Variants in PLCG2 observed in about 807,000 individuals in gnomAD.
PLCG2 encodes 1-phosphatidylinositol 4,5-bisphosphate phosphodiesterase gamma-2.
Under a neutral mutation model 175.6 loss-of-function variants are expected in PLCG2, and 69 were observed. That is an observed-to-expected ratio of 0.39 (90% CI 0.32 to 0.48). The LOEUF (loss-of-function observed/expected upper bound fraction) is 0.48. Among genes scored for constraint, PLCG2 ranks in the 20% least tolerant of loss-of-function variants. The pLI, the probability that PLCG2 is intolerant of heterozygous loss-of-function variation, is 0.91. For synonymous variants in PLCG2, 827 were observed against 624.0 expected (o/e 1.33, Z -4.85); for missense variants, 1,798 against 1,650.9 (o/e 1.09, Z -1.54).
chr16:81,803,354 C>T (rs747542075), intron 2 of PLCG2, among the ~76,000 whole-genome samples: 1 of 152,060 alleles, frequency 6.6e-6, no homozygotes, highest in South Asian at 2.1e-4. Flanking sequence ...CTTCTTTAGC[C>T]TAACATAAGG....
chr16:81,879,442 G>A (rs770518837), intron 7 of PLCG2, among the ~76,000 whole-genome samples: 8 of 152,222 alleles, frequency 5.3e-5, no homozygotes, highest in South Asian at 2.1e-4. Context: ...CTTTTGGTGG[G>A]ACCTACTCCT....
Position 81,872,680 on chromosome 16 carries a change from A to G in PLCG2, c.648+1745A>G, listed in dbSNP as rs576535791. Among the ~76,000 whole-genome samples, 15 of 152,344 alleles carry G rather than the reference A, an allele frequency of 9.8e-5. No homozygotes were observed. In the East Asian group the frequency reaches 2.3e-3, roughly 24 times the overall value. Reference sequence around the variant, plus strand: ...TCAGGAAAGGGCTTTGCAGACTGCAAAAGAGTTCCCAGAGAAAGGTGTGAG... The same window carrying G: ...TCAGGAAAGGGCTTTGCAGACTGCAGAAGAGTTCCCAGAGAAAGGTGTGAG... On this transcript the variant is annotated intron_variant, in intron 7 of 32. Transcript: ENST00000564138.
chr16:81,814,590 G>A (rs533993522), intron 2 of PLCG2, among the ~76,000 whole-genome samples: 53 of 152,274 alleles, frequency 3.5e-4, no homozygotes, highest in African/African-American at 1.3e-3. Flanking sequence ...AGCTACTCGG[G>A]AGGCTGAGGC....
chr16:81,852,143 T>A (rs1350742595), intron 2 of PLCG2: 3 of 152,212 alleles, frequency 2.0e-5, no homozygotes, highest in Non-Finnish European at 4.4e-5. Flanking sequence ...CAGGGTTTGA[T>A]AACACTTTCT....
chr16:81,869,208 T>C lies in PLCG2; in HGVS notation c.480-6T>C. On this transcript the variant is annotated splice_region_variant and splice_polypyrimidine_tract_variant and intron_variant, in intron 5 of 32. Transcript: ENST00000564138. Reference sequence around the variant, plus strand: ...GGTGACAGAACTGGGTCTCCCTCTTTTGCAGCATCAGTCTCCGAGAGTTGA... The same window carrying C: ...GGTGACAGAACTGGGTCTCCCTCTTCTGCAGCATCAGTCTCCGAGAGTTGA... 2 of 1,612,702 alleles carry C rather than the reference T, an allele frequency of 1.2e-6. No individual in the cohort carries two copies. The highest frequency in any genetic ancestry group is 2.2e-5 in the East Asian group (1 of 44,878).
At chr16:81,875,104 C>T (rs570702185) in intron 7 of PLCG2, among the ~76,000 whole-genome samples, 1 of 152,092 alleles carries the variant, frequency 6.6e-6, no homozygotes, top group Non-Finnish European at 1.5e-5. Flanking sequence ...GCTGGGATTA[C>T]AGGCATGCAC....
chr16:81,774,416 T>G (rs1371639068), upstream of PLCG2, among the ~76,000 whole-genome samples: 1 of 151,792 alleles, frequency 6.6e-6, no homozygotes, highest in Non-Finnish European at 1.5e-5. Flanking sequence ...AGCAGAGGGG[T>G]CTGCCCTCCC....
In PLCG2 at chr16:81,922,350, A is replaced by G. The variant is rs187662518; in HGVS notation, c.2307+1081A>G. Among the ~76,000 whole-genome samples the G allele has an allele frequency of 1.6e-3, 238 of 152,318 alleles. 1 individual carries two copies. Among genetic ancestry groups the G allele is most frequent in the African/African-American group, 5.5e-3 (228 of 41,566 alleles). ...TCTCTCTCTGCATCTCAGTTTTCTC[A>G]TCTGCAAAATGGGCATACTCATATA... On this transcript the variant is annotated intron_variant, in intron 21 of 32. Transcript: ENST00000564138.
At chr16:81,861,056 C>G (rs1390389255) in intron 5 of PLCG2, among the ~76,000 whole-genome samples, 2 of 152,058 alleles carry the variant, frequency 1.3e-5, no homozygotes, top group Non-Finnish European at 1.5e-5. Context: ...AAAACCAAAA[C>G]CAAAACCAAA....
rs4595796 is a variant in PLCG2 at position 81,801,583 on chromosome 16, C to T, written c.193+15401C>T. On this transcript the variant is annotated intron_variant, in intron 2 of 32. Transcript: ENST00000564138. ...ATGATACTCCCGATTCCAGCAAACA[C>T]GTCTTCGCTATTGTTTGAAATTACT... Among the ~76,000 whole-genome samples the T allele has an allele frequency of 7.9e-3, 1,202 of 152,282 alleles. 16 individuals carry two copies. Among genetic ancestry groups the T allele is most frequent in the African/African-American group, 0.027 (1,114 of 41,548 alleles).
At chr16:81,938,556 G>T in intron 28 of PLCG2, 1 of 541,048 alleles carries the variant, frequency 1.8e-6, no homozygotes, top group Non-Finnish European at 3.3e-6. Context: ...GCTCAGGTGA[G>T]TTTTACCTGT....
At chr16:81,888,784 G>C (rs1908494233) in intron 9 of PLCG2, among the ~76,000 whole-genome samples, 1 of 152,210 alleles carries the variant, frequency 6.6e-6, no homozygotes, top group African/African-American at 2.4e-5. Context: ...CATAGGGCAG[G>C]AGCTGGCAAA....
intron 2 of PLCG2, among the ~76,000 whole-genome samples, chr16:81,772,052 G>A (rs529039740): frequency 1.2e-3 from 184 of 152,240 alleles, no homozygotes; most frequent in African/African-American, 3.9e-3. Context: ...CAAAGTGCTG[G>A]GATTACAGGT....
intron 18 of PLCG2, 118 bp from the exon 19 acceptor site, chr16:81,912,479 G>A: frequency 8.0e-7 from 1 of 1,250,650 alleles, no homozygotes; most frequent in Non-Finnish European, 1.1e-6. Context: ...GATTTCCATG[G>A]TCGTTTCCAG....
chr16:81,928,354 C>T (rs918182198), intron 23 of PLCG2, among the ~76,000 whole-genome samples: 2 of 152,144 alleles, frequency 1.3e-5, no homozygotes, highest in Non-Finnish European at 2.9e-5. Context: ...AACTCCGAAC[C>T]TCCTGGCACC....
At chr16:81,812,456 TC>T (rs1904361032) in intron 2 of PLCG2, among the ~76,000 whole-genome samples, 1 of 152,238 alleles carries the variant, frequency 6.6e-6, no homozygotes, top group Non-Finnish European at 1.5e-5. Flanking sequence ...TGAGCTTTTT[TC>T]CTACGTTTCT....
At chr16:81,846,912 C>G (rs1332024245) in intron 2 of PLCG2, among the ~76,000 whole-genome samples, 2 of 152,166 alleles carry the variant, frequency 1.3e-5, no homozygotes, top group African/African-American at 4.8e-5. Context: ...CCCCACGCAT[C>G]AAGCAAACAA....
chr16:81,874,138 A>G (rs758150027), intron 7 of PLCG2, among the ~76,000 whole-genome samples: 1 of 152,194 alleles, frequency 6.6e-6, no homozygotes, highest in African/African-American at 2.4e-5. Flanking sequence ...TTAAAAATTA[A>G]TTGCCTACAT....
chr16:81,941,047 A>C (rs1379669443), intron 30 of PLCG2, among the ~76,000 whole-genome samples: 3 of 152,172 alleles, frequency 2.0e-5, no homozygotes, highest in Non-Finnish European at 2.9e-5. Flanking sequence ...CATTTTAGTT[A>C]CTTACATAAA....
Sources: allele counts gnomAD v4.1 joint callset (sites outside exome capture counted in the v4.1 genomes callset), GRCh38; gene constraint gnomAD v4.1.1; transcripts MANE v1.5; gene names NCBI Gene and HGNC (gene_info 2026-07-23, HGNC 2026-07-21).